RCAN2: variants seen among roughly 807,000 people sequenced by gnomAD.
The protein encoded by RCAN2 is calcipressin-2.
Under a neutral mutation model 23.6 loss-of-function variants are expected in RCAN2, and 9 were observed. The observed-to-expected ratio is 0.38, with a 90% CI of 0.23 to 0.67. The LOEUF (loss-of-function observed/expected upper bound fraction) is 0.67. Among genes scored for constraint, RCAN2 ranks in the 30% least tolerant of loss-of-function variants. RCAN2 has a pLI of 0.51. For missense variants in RCAN2, 273 were observed against 302.3 expected (o/e 0.90, Z 0.72); for synonymous variants, 109 against 115.7 (o/e 0.94, Z 0.37).
rs143635572 is a variant in RCAN2, at chr6:46,303,984, C to T, written c.226-55088G>A. On this transcript the variant is annotated intron_variant, in intron 2 of 4. Transcript: ENST00000371374. The stretch of plus-strand genomic sequence containing the variant: ...TGAGAATTAGAAATACCAGATCATA[C>T]AGTAGATATAGATTTAGGCCTGGAA... 3.0e-3 allele frequency among the ~76,000 whole-genome samples: 449 copies of T among 152,180 alleles called. 2 individuals are homozygous for T. The highest frequency in any genetic ancestry group is 0.01 in the African/African-American group (428 of 41,536).
chr6:46,274,344 T>A (rs149042388), intron 2 of RCAN2, among the ~76,000 whole-genome samples: 36 of 152,296 alleles, frequency 2.4e-4, no homozygotes, highest in African/African-American at 8.4e-4. Flanking sequence ...AAACAAAAGG[T>A]CAGATTCTTG....
intron 2 of RCAN2, among the ~76,000 whole-genome samples, chr6:46,430,896 T>A (rs1767178774): frequency 6.6e-6 from 1 of 152,154 alleles, no homozygotes; most frequent in Non-Finnish European, 1.5e-5. Context: ...AAAATGATTT[T>A]CCCTGAAACA....
chr6:46,397,896 A>G (rs1469058972), intron 2 of RCAN2, among the ~76,000 whole-genome samples: 1 of 152,208 alleles, frequency 6.6e-6, no homozygotes, highest in Non-Finnish European at 1.5e-5. Context: ...TGGTACAGAA[A>G]TTCTAATACT....
intron 2 of RCAN2, among the ~76,000 whole-genome samples, chr6:46,272,840 A>G (rs1030236501): frequency 4.6e-5 from 7 of 152,240 alleles, no homozygotes; most frequent in African/African-American, 1.7e-4. Flanking sequence ...TTGTAAAAGT[A>G]TAGACTCTTT....
intron 4 of RCAN2, among the ~76,000 whole-genome samples, chr6:46,229,525 T>C (rs1205854786): frequency 2.0e-5 from 3 of 152,230 alleles, no homozygotes; most frequent in African/African-American, 7.2e-5. Flanking sequence ...CATTTGATCT[T>C]CAATCACTGA....
At chr6:46,441,872 T>A (rs748118844) in intron 2 of RCAN2, among the ~76,000 whole-genome samples, 22 of 152,206 alleles carry the variant, frequency 1.4e-4, no homozygotes, top group Non-Finnish European at 2.9e-4. Context: ...AGGAAGTCTA[T>A]ACAGCACACT....
chr6:46,397,398 C>CAT (rs1554138701), intron 2 of RCAN2, among the ~76,000 whole-genome samples: 4 of 151,910 alleles, frequency 2.6e-5, no homozygotes, highest in African/African-American at 9.7e-5. Flanking sequence ...CACACACACA[C>CAT]ACACACACCA....
In RCAN2 at chr6:46,223,049, C is replaced by G; in HGVS notation, c.*92G>C. Reference sequence around the variant, plus strand: ...GAAGGAATCTCAAACAACCAAACACCCAGGAATTTAAAGGCAATTTTTTTT... The same window carrying G: ...GAAGGAATCTCAAACAACCAAACACGCAGGAATTTAAAGGCAATTTTTTTT... On this transcript the variant is annotated 3_prime_UTR_variant, in exon 5 of 5. Coordinates refer to ENST00000371374, the MANE Select transcript of RCAN2 (RefSeq NM_001251974.2). 1 of 1,386,212 alleles carries G rather than the reference C, an allele frequency of 7.2e-7. No homozygotes were observed. Among genetic ancestry groups the G allele is most frequent in the Non-Finnish European group, 1.0e-6 (1 of 1,001,076 alleles). 85.9% of individuals were successfully genotyped at this position (1,386,212 alleles called of 1,614,324 possible). A position where few individuals can be genotyped will look rare whatever the true frequency, so the allele number is the denominator to read the frequency against.
chr6:46,252,446 C>T (rs914971353), intron 2 of RCAN2, among the ~76,000 whole-genome samples: 116 of 152,192 alleles, frequency 7.6e-4, no homozygotes, highest in Non-Finnish European at 2.1e-4. Flanking sequence ...AGTTCCACAG[C>T]AGCGATCTCA....
At chr6:46,328,232 A>C (rs1030228177) in intron 2 of RCAN2, among the ~76,000 whole-genome samples, 33 of 152,008 alleles carry the variant, frequency 2.2e-4, no homozygotes, top group African/African-American at 7.5e-4. Flanking sequence ...CCTTCCTGCT[A>C]TCCAAGCACC....
chr6:46,294,603 C>T (rs930939270), intron 2 of RCAN2, among the ~76,000 whole-genome samples: 11 of 151,980 alleles, frequency 7.2e-5, no homozygotes, highest in African/African-American at 2.7e-4. Context: ...ATAGTGTGGT[C>T]ATTAAAATCA....
chr6:46,361,573 A>G (rs963812480), intron 2 of RCAN2, among the ~76,000 whole-genome samples: 12 of 152,258 alleles, frequency 7.9e-5, no homozygotes, highest in African/African-American at 2.9e-4. Flanking sequence ...GCAGTGAAAC[A>G]AAATGGCATA....
intron 2 of RCAN2, among the ~76,000 whole-genome samples, chr6:46,276,516 C>A (rs184969436): frequency 1.1e-4 from 16 of 152,316 alleles, no homozygotes; most frequent in Admixed American, 1.0e-3. Context: ...TCAATCTGCA[C>A]TGGCCAAAAC....
At chr6:46,385,906 A>G (rs1245991345) in intron 2 of RCAN2, among the ~76,000 whole-genome samples, 2 of 150,836 alleles carry the variant, frequency 1.3e-5, no homozygotes, top group Non-Finnish European at 3.0e-5. Context: ...AAAACCCAAA[A>G]CCATAAAAAT....
intron 2 of RCAN2, among the ~76,000 whole-genome samples, chr6:46,343,663 C>CCA (rs2150374293): frequency 6.6e-6 from 1 of 152,182 alleles, no homozygotes; most frequent in East Asian, 1.9e-4. Context: ...GCATGAGCCA[C>CCA]CACACCTAGC....
intron 2 of RCAN2, among the ~76,000 whole-genome samples, chr6:46,355,798 T>C (rs553742006): frequency 2.6e-5 from 4 of 152,350 alleles, no homozygotes; most frequent in African/African-American, 7.2e-5. Context: ...TTTGGTCTTA[T>C]CTCCTGAGGT....
At chr6:46,480,598 G>A (rs1768833870) in intron 1 of RCAN2, among the ~76,000 whole-genome samples, 1 of 151,572 alleles carries the variant, frequency 6.6e-6, no homozygotes, top group South Asian at 2.1e-4. Context: ...CACGCAAAAT[G>A]AAACTAGACA....
At chr6:46,278,955 C>T (rs575068182) in intron 2 of RCAN2, among the ~76,000 whole-genome samples, 51 of 152,288 alleles carry the variant, frequency 3.3e-4, no homozygotes, top group African/African-American at 1.0e-3. Context: ...CTTGGCTATG[C>T]GTTGGAACCA....
At chr6:46,239,944 G>A (rs189478893) in intron 4 of RCAN2, among the ~76,000 whole-genome samples, 38 of 152,160 alleles carry the variant, frequency 2.5e-4, no homozygotes, top group Middle Eastern at 3.2e-3. Flanking sequence ...GCAGAATCCC[G>A]GAGGGAAGGT....
Sources: allele counts gnomAD v4.1 joint callset (sites outside exome capture counted in the v4.1 genomes callset), GRCh38; gene constraint gnomAD v4.1.1; transcripts MANE v1.5; gene names NCBI Gene and HGNC (gene_info 2026-07-23, HGNC 2026-07-21).